The following SCARB2 variants were observed in gnomAD, a reference collection of about 807,000 sequenced individuals.
SCARB2 encodes the protein lysosome membrane protein 2.
A neutral mutation model predicts 58.6 loss-of-function variants in SCARB2; 29 were observed. That is an observed-to-expected ratio of 0.49 (90% CI 0.37 to 0.67). The LOEUF (loss-of-function observed/expected upper bound fraction) is 0.67, where lower values mean the gene tolerates loss of function less well. Among genes scored for constraint, SCARB2 ranks in the 30% least tolerant of loss-of-function variants. SCARB2 has a pLI of 0.00. For missense variants in SCARB2, 488 were observed against 578.5 expected, an observed-to-expected ratio of 0.84 and a Z score of 1.60; for synonymous variants, 195 against 210.1, an observed-to-expected ratio of 0.93 and a Z score of 0.62.
At chr4:76,162,906 G>C (rs138562526) in intron 11 of SCARB2, 1 of 536,506 alleles carries the variant, frequency 1.9e-6, no homozygotes, top group African/African-American at 1.9e-5. Context: ...CCAAAGATCA[G>C]ATGTGTAACT....
rs1216192407 is a variant in SCARB2, at chr4:76,168,295, G to A, written c.1187+108C>T. 7 of 854,228 alleles carry A rather than the reference G, an allele frequency of 8.2e-6. No homozygotes were observed. In the Admixed American group the frequency reaches 1.0e-4, roughly 12 times the overall value. 52.9% of individuals were successfully genotyped at this position (854,228 alleles called of 1,614,324 possible). The stretch of plus-strand genomic sequence containing the variant: ...TCATGCCCCATCCCTGAAGGGCAGG[G>A]GTGAGCAGGCTTAGATGAAGTAGGC... On this transcript the variant is annotated intron_variant, in intron 9 of 11. Coordinates refer to ENST00000264896, the MANE Select transcript of SCARB2 (RefSeq NM_005506.4).
chr4:76,212,280 T>G (rs1248396077), intron 1 of SCARB2, among the ~76,000 whole-genome samples: 1 of 152,194 alleles, frequency 6.6e-6, no homozygotes, highest in Non-Finnish European at 1.5e-5. Flanking sequence ...GCTCAGACAG[T>G]GGGCCTTGTC....
intron 1 of SCARB2, 61 bp downstream of exon 1, chr4:76,213,366 G>T: frequency 9.0e-7 from 1 of 1,114,260 alleles, no homozygotes; most frequent in South Asian, 1.3e-5. Context: ...AGATGTAGCA[G>T]CAGGGATGGG....
chr4:76,174,065 C>T, intron 7 of SCARB2, 79 bp downstream of exon 7: 1 of 1,563,710 alleles, frequency 6.4e-7, no homozygotes, highest in African/African-American at 1.4e-5. Context: ...GCCACTACGC[C>T]CAGCTACATA....
At position 76,166,261 on chromosome 4, in the gene SCARB2, A is replaced by C; in HGVS notation, c.1228T>G (p.Tyr410Asp). 6.2e-7 allele frequency: 1 copy of C among 1,614,196 alleles called. No individual in the cohort carries two copies. Among genetic ancestry groups the C allele is most frequent in the Non-Finnish European group, 8.5e-7 (1 of 1,180,012 alleles). ...GTCTCAGGACTTACCTCATTGAGGT[A>C]CATCACTGGGAAAACCATGGTTCTA... ...DIRTMVFPVM[Y>D]LNESVHIDKE... The change falls in exon 10 of 12, where the codon TAC becomes GAC. Residue 410 changes from tyrosine (Y) to aspartate (D), a missense_variant. Coordinates refer to ENST00000264896, the MANE Select transcript of SCARB2 (RefSeq NM_005506.4).
At chr4:76,180,816 AAAG>A (rs1732366771) in intron 3 of SCARB2, 135 bp downstream of exon 3, 2 of 618,576 alleles carry the variant, frequency 3.2e-6, no homozygotes, top group Non-Finnish European at 5.1e-6. Flanking sequence ...AAAGAAAAGA[AAAG>A]AAGTATTTTT....
intron 2 of SCARB2, among the ~76,000 whole-genome samples, chr4:76,187,196 G>C (rs1732504075): frequency 6.6e-6 from 1 of 152,188 alleles, no homozygotes; most frequent in Admixed American, 6.5e-5. Context: ...CCATTGAAGG[G>C]AGTAAGACTT....
chr4:76,210,617 G>A (rs1023241288), intron 1 of SCARB2, among the ~76,000 whole-genome samples: 5 of 152,240 alleles, frequency 3.3e-5, no homozygotes, highest in African/African-American at 1.2e-4. Flanking sequence ...GGGAAAAAGA[G>A]AAGTACTATT....
intron 9 of SCARB2, chr4:76,166,683 T>C: frequency 3.1e-6 from 1 of 325,532 alleles, no homozygotes; most frequent in Non-Finnish European, 5.9e-6. Context: ...ACGTGCCAGC[T>C]CTGTGCTGGG....
chr4:76,175,366 A>G (rs17001562), intron 6 of SCARB2: 43,729 of 214,882 alleles, frequency 0.2, 5,681 homozygotes, highest in African/African-American at 0.39. Flanking sequence ...AGACCAGGTC[A>G]GTTGATGCTT....
chr4:76,165,858 A>G (rs147734375), intron 10 of SCARB2: 1 of 267,618 alleles, frequency 3.7e-6, no homozygotes, highest in Admixed American at 4.9e-5. Context: ...AGAATTTATC[A>G]TAGGTGTCTT....
chr4:76,177,324 C>T (rs936218348), intron 4 of SCARB2, among the ~76,000 whole-genome samples: 4 of 150,976 alleles, frequency 2.6e-5, no homozygotes, highest in African/African-American at 4.9e-5. Context: ...ACTTCACACC[C>T]ACTAGGAGGG....
At chr4:76,207,283 A>T (rs1481354736) in intron 1 of SCARB2, among the ~76,000 whole-genome samples, 2 of 152,232 alleles carry the variant, frequency 1.3e-5, no homozygotes, top group Non-Finnish European at 2.9e-5. Context: ...TTTCTCAAAA[A>T]TACATATCAG....
chr4:76,198,881 C>T lies in SCARB2; in HGVS notation c.118-3017G>A, dbSNP rs114006102. On this transcript the variant is annotated intron_variant, in intron 1 of 11. Coordinates refer to ENST00000264896, the MANE Select transcript of SCARB2 (RefSeq NM_005506.4). ...GTGTGTGTGTGTGTGTGTGCTCATG[C>T]GAATGCACTAAGTAGGAAGAGAGAT... Among the ~76,000 whole-genome samples the T allele has an allele frequency of 7.7e-3, 1,136 of 148,288 alleles. 10 individuals are homozygous for T. Among genetic ancestry groups the T allele is most frequent in the Middle Eastern group, 0.028 (8 of 286 alleles).
At chr4:76,198,268 C>A (rs1016693461) in intron 1 of SCARB2, among the ~76,000 whole-genome samples, 3 of 152,172 alleles carry the variant, frequency 2.0e-5, no homozygotes, top group East Asian at 3.9e-4. Flanking sequence ...GAATTAGGAA[C>A]CCTGAAAGAA....
At chr4:76,190,251 C>G (rs1003727393) in intron 2 of SCARB2, among the ~76,000 whole-genome samples, 15 of 151,980 alleles carry the variant, frequency 9.9e-5, no homozygotes, top group Non-Finnish European at 1.6e-4. Context: ...CTCAAGTGAT[C>G]TGCCCACCTC....
intron 1 of SCARB2, among the ~76,000 whole-genome samples, chr4:76,219,964 T>C (rs1007269767): frequency 8.5e-5 from 13 of 152,248 alleles, no homozygotes; most frequent in Non-Finnish European, 1.8e-4. Flanking sequence ...AAATAAATAC[T>C]GTTTCTTTTT....
At chr4:76,179,911 T>C in intron 3 of SCARB2, 1 of 619,198 alleles carries the variant, frequency 1.6e-6, no homozygotes, top group Admixed American at 2.6e-5. Context: ...CTGCATTTTG[T>C]AAGTGTAATA....
At chr4:76,197,606 C>T (rs1260934250) in intron 1 of SCARB2, among the ~76,000 whole-genome samples, 4 of 152,274 alleles carry the variant, frequency 2.6e-5, no homozygotes, top group Non-Finnish European at 5.9e-5. Context: ...ATAAATACAG[C>T]GCCTGAGGTT....
Sources: allele counts gnomAD v4.1 joint callset (sites outside exome capture counted in the v4.1 genomes callset), GRCh38; gene constraint gnomAD v4.1.1; transcripts MANE v1.5; gene names NCBI Gene and HGNC (gene_info 2026-07-23, HGNC 2026-07-21).